Variants in VEGFD observed in about 807,000 individuals in gnomAD.
VEGFD encodes the protein vascular endothelial growth factor D, also known as c-fos induced growth factor (vascular endothelial growth factor D).
In VEGFD, 26 loss-of-function variants were observed where a neutral mutation model predicts 28.0. The ratio of observed to expected loss-of-function variants is 0.93; its 90% CI spans 0.68 to 1.29. The LOEUF is 1.29. Among genes scored for constraint, VEGFD ranks in the 50% most tolerant of loss-of-function variants. The pLI is 0.00. For missense variants in VEGFD, 294 were observed against 273.4 expected, an observed-to-expected ratio of 1.08 and a Z score of -0.53; for synonymous variants, 93 against 95.5, an observed-to-expected ratio of 0.97 and a Z score of 0.15.
chrX:15,373,852 C>T (rs1420460950), intron 1 of VEGFD, among the ~76,000 whole-genome samples: 1 of 111,248 alleles, frequency 9.0e-6, no homozygotes, highest in South Asian at 3.8e-4. Flanking sequence ...CAACCAAAAC[C>T]ACCAAATTTT....
intron 3 of VEGFD, among the ~76,000 whole-genome samples, chrX:15,356,193 G>A (rs1922862506): frequency 8.9e-6 from 1 of 111,894 alleles, no homozygotes; most frequent in Admixed American, 9.5e-5. Context: ...TGAAGAAACA[G>A]ATGTACAGAG....
At chrX:15,380,022 T>A (rs769211309) in intron 1 of VEGFD, among the ~76,000 whole-genome samples, 1 of 112,492 alleles carries the variant, frequency 8.9e-6, no homozygotes, top group East Asian at 2.8e-4. Flanking sequence ...TATAAGTGAG[T>A]AACTGGATTA....
rs1398126863 is a variant in VEGFD at position 15,355,275 on chromosome X, C to A, written c.516G>T (p.Leu172Phe). Residue 172 changes from leucine (L) to phenylalanine (F), a missense_variant, in exon 4 of 7, where the codon TTG becomes TTT. Leu to Phe is a conservative substitution (Grantham distance 22). Transcript: ENST00000297904. ...SKQLFEISVP[L>F]TSVPELVPVK... Reference sequence around the variant, plus strand: ...CAGGCACTAATTCAGGTACTGATGTCAAAGGCACTGATATCTCAAAGAGCT... The same window carrying A: ...CAGGCACTAATTCAGGTACTGATGTAAAAGGCACTGATATCTCAAAGAGCT... 8.4e-7 allele frequency: 1 copy of A among 1,194,639 alleles called. No individual in the cohort carries two copies.
At chrX:15,380,871 C>A (rs1324776475) in intron 1 of VEGFD, among the ~76,000 whole-genome samples, 1 of 112,365 alleles carries the variant, frequency 8.9e-6, no homozygotes, top group African/African-American at 3.2e-5. Flanking sequence ...TTGTGCAGTG[C>A]ACATCGTGTA....
At chrX:15,373,020 T>C (rs776859957) in intron 1 of VEGFD, among the ~76,000 whole-genome samples, 3 of 111,714 alleles carry the variant, frequency 2.7e-5, no homozygotes, top group Non-Finnish European at 5.6e-5. Context: ...ACAGACTAAA[T>C]TGCCTCTCAA....
Position 15,358,107 on chromosome X carries a change from T to A in VEGFD, c.388A>T (p.Thr130Ser), listed in dbSNP as rs1161379680. Residue 130 changes from threonine to serine, a missense_variant, in exon 3 of 7, where the codon ACA (threonine) becomes TCA (serine). Coordinates refer to ENST00000297904, the MANE Select transcript of VEGFD (RefSeq NM_004469.5). ...VASELGKSTNTFFKPPCVNVF... is the reference protein window; with the variant it reads ...VASELGKSTNSFFKPPCVNVF... Reference sequence around the variant, plus strand: ...TTCACACAAGGGGGCTTGAAGAATGTGTTGGTACTCTTCCCCAGCTCACTG... The same window carrying A: ...TTCACACAAGGGGGCTTGAAGAATGAGTTGGTACTCTTCCCCAGCTCACTG... 3 of 1,211,490 alleles carry A rather than the reference T, an allele frequency of 2.5e-6. No homozygotes were observed. The highest frequency in any genetic ancestry group is 3.4e-6 in the Non-Finnish European group (3 of 895,214).
At chrX:15,353,740 C>CA (rs398069126) in intron 4 of VEGFD, among the ~76,000 whole-genome samples, 5,899 of 89,258 alleles carry the variant, frequency 0.066, 168 homozygotes, top group South Asian at 0.12. Context: ...AACTCCGTCT[C>CA]AAAAAAAAAA....
At chrX:15,382,872 TTCC>T (rs1173158431) in intron 1 of VEGFD, among the ~76,000 whole-genome samples, 1 of 111,628 alleles carries the variant, frequency 9.0e-6, no homozygotes, top group East Asian at 2.8e-4. Context: ...TGAAGACACT[TTCC>T]CCCTATGCAA....
intron 6 of VEGFD, 74 bp downstream of exon 6, chrX:15,347,090 A>C (rs1193051466): frequency 3.0e-6 from 3 of 1,005,665 alleles, no homozygotes; most frequent in East Asian, 6.2e-5. Context: ...TAGCTTACTA[A>C]GGAATCCCAC....
At chrX:15,362,828 T>C (rs1320105403) in intron 2 of VEGFD, among the ~76,000 whole-genome samples, 1 of 111,848 alleles carries the variant, frequency 8.9e-6, no homozygotes, top group Non-Finnish European at 1.9e-5. Context: ...TTGAGAACAA[T>C]AGTCTTCCTG....
intron 1 of VEGFD, among the ~76,000 whole-genome samples, chrX:15,376,906 G>A (rs1923452902): frequency 8.9e-6 from 1 of 111,816 alleles, no homozygotes; most frequent in East Asian, 2.8e-4. Context: ...GTAACAGCAA[G>A]AATTTGCCAT....
rs1318229219 is a variant in VEGFD at position 15,346,081 on chromosome X, C to T, written c.*52G>A. Reference sequence around the variant, plus strand: ...GAAAAAAACAGTGACAGCAACTTGGCAAAGCAGCATGCTGTTAAAAATGAC... The same window carrying T: ...GAAAAAAACAGTGACAGCAACTTGGTAAAGCAGCATGCTGTTAAAAATGAC... On this transcript the variant is annotated 3_prime_UTR_variant, in exon 7 of 7. Coordinates refer to ENST00000297904, the MANE Select transcript of VEGFD (RefSeq NM_004469.5). 1.2e-5 allele frequency: 14 copies of T among 1,174,189 alleles called. No homozygotes were observed. Among genetic ancestry groups the T allele is most frequent in the African/African-American group, 1.8e-5 (1 of 55,568 alleles).
chrX:15,359,607 A>G (rs1406843315), intron 2 of VEGFD, among the ~76,000 whole-genome samples: 3 of 109,520 alleles, frequency 2.7e-5, no homozygotes, highest in African/African-American at 6.6e-5. Flanking sequence ...ATGTGTTCTC[A>G]TTGTTCAACT....
At chrX:15,382,985 AC>A (rs770659568) in intron 1 of VEGFD, among the ~76,000 whole-genome samples, 7 of 111,457 alleles carry the variant, frequency 6.3e-5, no homozygotes, top group Non-Finnish European at 1.3e-4. Context: ...CCCTCCACGA[AC>A]CAATTTTCCC....
chrX:15,382,832 G>A (rs1245302242), intron 1 of VEGFD, among the ~76,000 whole-genome samples: 1 of 111,296 alleles, frequency 9.0e-6, no homozygotes, highest in East Asian at 2.8e-4. Flanking sequence ...CCCCACCCTC[G>A]CCAGGCCACC....
At chrX:15,357,096 T>G (rs768315503) in intron 3 of VEGFD, among the ~76,000 whole-genome samples, 29 of 112,203 alleles carry the variant, frequency 2.6e-4, no homozygotes, top group African/African-American at 9.1e-4. Flanking sequence ...TTTTTAGTAT[T>G]GCTTTCCCAA....
chrX:15,380,187 A>G (rs1923535420), intron 1 of VEGFD, among the ~76,000 whole-genome samples: 1 of 112,712 alleles, frequency 8.9e-6, no homozygotes. Flanking sequence ...TTTGACCAAC[A>G]TCAAAGTCAA....
chrX:15,361,020 A>G (rs1923000318), intron 2 of VEGFD, among the ~76,000 whole-genome samples: 1 of 112,527 alleles, frequency 8.9e-6, no homozygotes, highest in Non-Finnish European at 1.9e-5. Context: ...TCCACAAGGG[A>G]GAGTTGATAA....
rs755560782 is a variant in VEGFD at position 15,363,302 on chromosome X, T to A, written c.108A>T (p.Thr36=). Residue 36 remains threonine (T), a synonymous_variant, in exon 2 of 7, where the codon ACA becomes ACT. Coordinates refer to ENST00000297904, the MANE Select transcript of VEGFD (RefSeq NM_004469.5). ...TGATCTGCTGTTCAGATCGTTCCAA[T>A]GTGGACTGAGATGATCGCTTAAAAA... ...HGPVKRSSQS[T]LERSEQQIRA... The A allele has an allele frequency of 2.5e-6, 3 of 1,208,564 alleles. No individual in the cohort carries two copies. Among genetic ancestry groups the A allele is most frequent in the Non-Finnish European group, 1.1e-6 (1 of 894,229 alleles).
Sources: allele counts gnomAD v4.1 joint callset (sites outside exome capture counted in the v4.1 genomes callset), GRCh38; gene constraint gnomAD v4.1.1; transcripts MANE v1.5; gene names NCBI Gene and HGNC (gene_info 2026-07-23, HGNC 2026-07-21).